Variants in AFF3 observed in about 807,000 individuals in gnomAD.
The protein encoded by AFF3 is ALF transcription elongation factor 3, also known as AF4/FMR2 family member 3.
Under a neutral mutation model 129.7 loss-of-function variants are expected in AFF3, and 32 were observed. The observed-to-expected ratio is 0.25, with a 90% CI of 0.19 to 0.33. The LOEUF is 0.33. AFF3 is among the 10% of genes least tolerant of loss of function. AFF3 has a pLI of 1.00. For missense variants in AFF3, 1,373 were observed against 1,592.0 expected (o/e 0.86, Z 2.34); for synonymous variants, 644 against 635.4 (o/e 1.01, Z -0.20).
chr2:100,043,354 C>T (rs1685590413), intron 4 of AFF3, among the ~76,000 whole-genome samples: 1 of 152,188 alleles, frequency 6.6e-6, no homozygotes, highest in Non-Finnish European at 1.5e-5. Flanking sequence ...TTCCCACTTG[C>T]CTCAGCAACC....
At chr2:100,027,860 T>C (rs1488703117) in intron 4 of AFF3, among the ~76,000 whole-genome samples, 2 of 152,214 alleles carry the variant, frequency 1.3e-5, no homozygotes, top group Admixed American at 1.3e-4. Context: ...CATTTCTTAA[T>C]ATTAATGTTA....
intron 13 of AFF3, among the ~76,000 whole-genome samples, chr2:99,645,083 C>T (rs1684573817): frequency 6.6e-6 from 1 of 152,150 alleles, no homozygotes; most frequent in South Asian, 2.1e-4. Context: ...ACCTGTAATC[C>T]CAGCACTTTG....
intron 7 of AFF3, among the ~76,000 whole-genome samples, chr2:99,901,269 C>G (rs933354560): frequency 1.3e-5 from 2 of 152,180 alleles, no homozygotes; most frequent in Admixed American, 6.5e-5. Flanking sequence ...GTATTTTGAG[C>G]CTGCTCTTTC....
intron 8 of AFF3, among the ~76,000 whole-genome samples, chr2:99,830,829 T>C (rs190282865): frequency 3.1e-4 from 47 of 152,368 alleles, no homozygotes; most frequent in African/African-American, 1.1e-3. Context: ...CTGTTTATTG[T>C]TGTGCATCTG....
At chr2:100,030,951 CT>C (rs1456038121) in intron 4 of AFF3, among the ~76,000 whole-genome samples, 5 of 152,136 alleles carry the variant, frequency 3.3e-5, no homozygotes, top group African/African-American at 1.2e-4. Flanking sequence ...ATTCATAGAA[CT>C]TTATAAACAC....
At chr2:99,997,870 G>C (rs1325389727) in intron 7 of AFF3, among the ~76,000 whole-genome samples, 1 of 152,108 alleles carries the variant, frequency 6.6e-6, no homozygotes, top group Admixed American at 6.5e-5. Flanking sequence ...CAGCCTCACT[G>C]TTCTCCTGCT....
chr2:100,002,054 T>C (rs991257299), intron 7 of AFF3, among the ~76,000 whole-genome samples: 5 of 152,202 alleles, frequency 3.3e-5, no homozygotes, highest in African/African-American at 1.2e-4. Context: ...GCGAGGGTGA[T>C]GGGAAAGATG....
intron 8 of AFF3, among the ~76,000 whole-genome samples, chr2:99,793,563 A>G (rs1267418668): frequency 1.3e-5 from 2 of 152,230 alleles, no homozygotes; most frequent in Non-Finnish European, 2.9e-5. Flanking sequence ...CTATTGGCAT[A>G]AAGTTGTTAA....
At chr2:99,941,457 AGTATATATG>A (rs1159393412) in intron 7 of AFF3, among the ~76,000 whole-genome samples, 1 of 152,210 alleles carries the variant, frequency 6.6e-6, no homozygotes, top group Non-Finnish European at 1.5e-5. Context: ...CATTACCTTA[AGTATATATG>A]GTAGCAGAGT....
At chr2:99,964,593 T>C (rs1677554827) in intron 7 of AFF3, among the ~76,000 whole-genome samples, 1 of 152,158 alleles carries the variant, frequency 6.6e-6, no homozygotes, top group African/African-American at 2.4e-5. Context: ...TCAAAATATG[T>C]AGCATGCAGC....
intron 7 of AFF3, among the ~76,000 whole-genome samples, chr2:99,982,455 C>T (rs1057168842): frequency 6.6e-6 from 1 of 152,188 alleles, no homozygotes; most frequent in Non-Finnish European, 1.5e-5. Flanking sequence ...TAAACCTCTT[C>T]GTTTTTGGAA....
At chr2:99,779,307 T>C (rs1684205345) in intron 8 of AFF3, among the ~76,000 whole-genome samples, 1 of 152,222 alleles carries the variant, frequency 6.6e-6, no homozygotes, top group Admixed American at 6.5e-5. Context: ...TTATCATTTA[T>C]TTATAGTTAG....
intron 4 of AFF3, among the ~76,000 whole-genome samples, chr2:100,014,681 G>A (rs951004521): frequency 6.6e-6 from 1 of 151,876 alleles, no homozygotes; most frequent in African/African-American, 2.4e-5. Context: ...AAGAAGAAGG[G>A]CTTAGAGGTA....
intron 2 of AFF3, among the ~76,000 whole-genome samples, chr2:100,128,366 G>T (rs1471559755): frequency 1.3e-5 from 2 of 152,254 alleles, no homozygotes; most frequent in Middle Eastern, 3.4e-3. Flanking sequence ...CTTTAAAACA[G>T]GTATGGATAA....
intron 8 of AFF3, among the ~76,000 whole-genome samples, chr2:99,833,024 T>C (rs1443314518): frequency 6.6e-6 from 1 of 152,324 alleles, no homozygotes; most frequent in East Asian, 1.9e-4. Flanking sequence ...ATGACCCAAA[T>C]AGGTCACTGA....
At chr2:99,751,724 C>G (rs1416272883) in intron 9 of AFF3, among the ~76,000 whole-genome samples, 1 of 151,886 alleles carries the variant, frequency 6.6e-6, no homozygotes, top group Non-Finnish European at 1.5e-5. Flanking sequence ...TATTTTGTGG[C>G]CAATTTTTTG....
intron 13 of AFF3, among the ~76,000 whole-genome samples, chr2:99,640,229 C>G (rs1200656658): frequency 2.6e-5 from 4 of 152,128 alleles, no homozygotes; most frequent in Non-Finnish European, 4.4e-5. Flanking sequence ...CCCCATACTA[C>G]TAGTTATGAA....
rs568889229 is a variant in AFF3 at position 100,011,133 on chromosome 2, G to A, written c.54-2201C>T. Among the ~76,000 whole-genome samples, 4 of 152,248 alleles carry A rather than the reference G, an allele frequency of 2.6e-5. No individual in the cohort carries two copies. The South Asian group carries it at 6.2e-4, about 24-fold the overall frequency. ...ACTAAAAATACAAAAAATTAGCCAG[G>A]GGCGGTGGTGGGCACCTGTAGTCCC... On this transcript the variant is annotated intron_variant, in intron 4 of 24. Coordinates refer to ENST00000672756, the MANE Select transcript of AFF3 (RefSeq NM_001386135.1).
chr2:99,908,376 A>C (rs1202703380), intron 7 of AFF3, among the ~76,000 whole-genome samples: 1 of 152,192 alleles, frequency 6.6e-6, no homozygotes, highest in Non-Finnish European at 1.5e-5. Context: ...TAAAAGCGCT[A>C]GAAGAAAACC....
Sources: gnomAD v4.1 joint callset for allele counts (sites outside exome capture counted in the v4.1 genomes callset) on GRCh38, gnomAD v4.1.1 for gene constraint, MANE v1.5 for transcripts, NCBI Gene and HGNC (gene_info 2026-07-23, HGNC 2026-07-21) for gene names.